Variants in WDR72 observed in about 807,000 individuals in gnomAD.
WDR72 encodes the protein WD repeat-containing protein 72.
Under a neutral mutation model 124.2 loss-of-function variants are expected in WDR72, and 120 were observed. The ratio of observed to expected loss-of-function variants is 0.97; its 90% CI spans 0.83 to 1.12. The LOEUF (loss-of-function observed/expected upper bound fraction) is 1.12. WDR72 is among the 50% of genes most tolerant of loss of function. WDR72 has a pLI of 0.00. For synonymous variants in WDR72, 452 were observed against 441.7 expected, an observed-to-expected ratio of 1.02 and a Z score of -0.29; for missense variants, 1,387 against 1,278.8, an observed-to-expected ratio of 1.08 and a Z score of -1.29.
chr15:53,712,926 C>A (rs2017588765), intron 6 of WDR72, 35 bp from the exon 7 acceptor site: 1 of 1,610,116 alleles, frequency 6.2e-7, no homozygotes, highest in Non-Finnish European at 8.5e-7. Context: ...AGTACTAGTT[C>A]CAGGTAATTC....
At chr15:53,540,958 G>A (rs981635091) in intron 18 of WDR72, 6 of 157,488 alleles carry the variant, frequency 3.8e-5, no homozygotes, top group African/African-American at 1.2e-4. Flanking sequence ...GGCGCACCAC[G>A]AGATTGTATC....
chr15:53,564,881 T>C (rs67902748), intron 18 of WDR72, among the ~76,000 whole-genome samples: 75,850 of 151,460 alleles, frequency 0.5, 19,150 homozygotes, highest in Middle Eastern at 0.63. Flanking sequence ...AAAATGAAAA[T>C]GCTGGGGCCA....
intron 13 of WDR72, among the ~76,000 whole-genome samples, chr15:53,681,938 A>C (rs1242374688): frequency 6.6e-6 from 1 of 152,230 alleles, no homozygotes; most frequent in East Asian, 1.9e-4. Context: ...GATACCTAAA[A>C]ACAATATAGA....
At chr15:53,743,116 G>T (rs973989156) in intron 1 of WDR72, among the ~76,000 whole-genome samples, 4 of 151,892 alleles carry the variant, frequency 2.6e-5, no homozygotes, top group Non-Finnish European at 4.4e-5. Context: ...TGCTAGTTAT[G>T]TAGTTGCATT....
At chr15:53,718,836 T>TTAAGATTTTTAAAAATTTTAAAAAC (rs1567047041) in intron 3 of WDR72, among the ~76,000 whole-genome samples, 3 of 136,890 alleles carry the variant, frequency 2.2e-5, no homozygotes, top group African/African-American at 1.1e-4. Context: ...ATTTTAAAAA[T>TTAAGATTTTTAAAAATTTTAAAAAC]CTTAAGAATT....
At chr15:53,753,057 A>G (rs2140898386) in intron 1 of WDR72, among the ~76,000 whole-genome samples, 1 of 152,284 alleles carries the variant, frequency 6.6e-6, no homozygotes, top group African/African-American at 2.4e-5. Context: ...ACAACAGCAA[A>G]CCAAGTTTCA....
At chr15:53,518,029 T>C (rs962848855) in intron 19 of WDR72, among the ~76,000 whole-genome samples, 1 of 151,286 alleles carries the variant, frequency 6.6e-6, no homozygotes, top group Non-Finnish European at 1.5e-5. Context: ...TATTAATAGC[T>C]TGGGGATTTT....
At chr15:53,681,280 C>T (rs1019945225) in intron 13 of WDR72, among the ~76,000 whole-genome samples, 3 of 152,060 alleles carry the variant, frequency 2.0e-5, no homozygotes, top group Non-Finnish European at 2.9e-5. Flanking sequence ...AAGAAGGCAG[C>T]GTGGGGAGGG....
intron 19 of WDR72, among the ~76,000 whole-genome samples, chr15:53,520,655 C>T (rs531830852): frequency 6.6e-6 from 1 of 152,130 alleles, no homozygotes; most frequent in South Asian, 2.1e-4. Flanking sequence ...CAGAGAAACA[C>T]CACTCACATG....
intron 14 of WDR72, among the ~76,000 whole-genome samples, chr15:53,620,890 A>G (rs117429473): frequency 0.016 from 2,407 of 152,230 alleles, 43 homozygotes; most frequent in East Asian, 0.075. Context: ...AAATCTTTAC[A>G]ATCTATATGT....
intron 14 of WDR72, among the ~76,000 whole-genome samples, chr15:53,625,103 A>C (rs1434334631): frequency 1.3e-5 from 2 of 152,252 alleles, no homozygotes; most frequent in South Asian, 2.1e-4. Context: ...TTAGGATGAT[A>C]AAATATATCT....
chr15:53,538,583 C>G (rs1314063615), intron 18 of WDR72, among the ~76,000 whole-genome samples: 1 of 152,090 alleles, frequency 6.6e-6, no homozygotes. Context: ...TCAAAAAATT[C>G]TCTTTTTCTT....
chr15:53,613,146 C>T (rs2013615802), intron 16 of WDR72, among the ~76,000 whole-genome samples: 1 of 152,074 alleles, frequency 6.6e-6, no homozygotes, highest in South Asian at 2.1e-4. Context: ...TTGGGAGATA[C>T]ATTTGCCATT....
At chr15:53,753,613 G>A (rs2018826474) in intron 1 of WDR72, among the ~76,000 whole-genome samples, 3 of 152,122 alleles carry the variant, frequency 2.0e-5, no homozygotes, top group Non-Finnish European at 4.4e-5. Context: ...CCCCACCTCT[G>A]TTTCATAGTC....
intron 1 of WDR72, among the ~76,000 whole-genome samples, chr15:53,750,790 G>T (rs774551253): frequency 2.0e-5 from 3 of 152,184 alleles, no homozygotes; most frequent in Non-Finnish European, 4.4e-5. Context: ...AGTGGAGGAA[G>T]TAACTGCAGA....
At chr15:53,727,981 C>G (rs779432652) in intron 2 of WDR72, among the ~76,000 whole-genome samples, 1 of 152,184 alleles carries the variant, frequency 6.6e-6, no homozygotes, top group Admixed American at 6.5e-5. Context: ...TCCTGACCAC[C>G]ACCATCACTT....
chr15:53,697,373 T>A (rs2017034512), intron 13 of WDR72, among the ~76,000 whole-genome samples: 1 of 152,308 alleles, frequency 6.6e-6, no homozygotes, highest in African/African-American at 2.4e-5. Context: ...TGGAGGTGAC[T>A]GCAGAAGAAA....
In WDR72 at chr15:53,515,533, AG is replaced by A. The variant is rs1891414455; in HGVS notation, c.*2165del. 1 of 152,232 alleles carries A rather than the reference AG, an allele frequency of 6.6e-6. No homozygotes were observed. Among genetic ancestry groups the A allele is most frequent in the Non-Finnish European group, 1.5e-5 (1 of 68,036 alleles). 9.4% of individuals were successfully genotyped at this position (152,232 alleles called of 1,614,324 possible). A position where few individuals can be genotyped will look rare whatever the true frequency, so the allele number is the denominator to read the frequency against. ...CTTGAATATCTCTAAAACTATTTTT[AG>A]GAATTAAAAGCTTTCATAGTTAATG... is the stretch of plus-strand genomic sequence containing the variant. On this transcript the variant is annotated 3_prime_UTR_variant, in exon 20 of 20. Transcript: ENST00000360509.
At position 53,623,957 on chromosome 15, in the gene WDR72, T is replaced by C. The variant is rs114619071; in HGVS notation, c.1963-7714A>G. ...ACTAGTGATGTTGAGCATCTTTTCA[T>C]ATGTTTCTTGGCCACTTGTATGTCT... On this transcript the variant is annotated intron_variant, in intron 14 of 19. Transcript: ENST00000360509. 4.7e-3 allele frequency among the ~76,000 whole-genome samples: 712 copies of C among 152,168 alleles called. 3 individuals are homozygous for C. Among genetic ancestry groups the C allele is most frequent in the African/African-American group, 0.016 (676 of 41,418 alleles).
Sources: gnomAD v4.1 joint callset for allele counts (sites outside exome capture counted in the v4.1 genomes callset) on GRCh38, gnomAD v4.1.1 for gene constraint, MANE v1.5 for transcripts, NCBI Gene and HGNC (gene_info 2026-07-23, HGNC 2026-07-21) for gene names.